The following STARD13 variants were observed in gnomAD, a reference collection of about 807,000 sequenced individuals.
The protein encoded by STARD13 is StAR related lipid transfer domain containing 13.
In STARD13, 62 loss-of-function variants were observed where a neutral mutation model predicts 106.4. That is an observed-to-expected ratio of 0.58 (90% CI 0.48 to 0.72). The LOEUF (loss-of-function observed/expected upper bound fraction) is 0.72. Ranked by LOEUF, STARD13 falls within the 30% of genes least tolerant of loss-of-function variation. The probability of loss-of-function intolerance (pLI) is 0.00; values close to 1 mark genes in which losing one functional copy is unlikely to be tolerated. For synonymous variants in STARD13, 565 were observed against 553.0 expected (o/e 1.02, Z -0.31); for missense variants, 1,387 against 1,424.0 (o/e 0.97, Z 0.42).
chr13:33,220,941 G>A (rs775413723), intron 1 of STARD13, among the ~76,000 whole-genome samples: 9 of 152,084 alleles, frequency 5.9e-5, no homozygotes, highest in Non-Finnish European at 1.0e-4. Context: ...ACTGAATATC[G>A]TTGGAGCAGT....
chr13:33,280,812 G>A (rs1454238185), intron 1 of STARD13: 2 of 152,132 alleles, frequency 1.3e-5, no homozygotes, highest in Admixed American at 1.3e-4. Context: ...TAGAGATGAT[G>A]GGGACTTCAG....
At chr13:33,552,658 A>G in the STARD13 span, among the ~76,000 whole-genome samples, 58 of 152,368 alleles carry the variant, frequency 3.8e-4, no homozygotes, top group Admixed American at 1.2e-3. Context: ...TATAGCAACA[A>G]AACTTTAAGA....
the STARD13 span, among the ~76,000 whole-genome samples, chr13:33,598,693 T>A: frequency 2.0e-4 from 30 of 152,248 alleles, no homozygotes; most frequent in African/African-American, 6.5e-4. Flanking sequence ...GCTAGTTTTT[T>A]AAATTAATCT....
the STARD13 span, among the ~76,000 whole-genome samples, chr13:33,669,657 T>A: frequency 2.7e-5 from 4 of 147,824 alleles, no homozygotes; most frequent in Admixed American, 2.1e-4. Context: ...TGCCTCAGCC[T>A]CCCGAGTAGC....
chr13:33,636,669 C>A, the STARD13 span, among the ~76,000 whole-genome samples: 2 of 152,194 alleles, frequency 1.3e-5, no homozygotes, highest in African/African-American at 4.8e-5. Flanking sequence ...ATTGCACTTG[C>A]TATTTTATCT....
At chr13:33,206,171 G>A (rs1887404668) in intron 1 of STARD13, 4 of 224,970 alleles carry the variant, frequency 1.8e-5, no homozygotes, top group East Asian at 1.8e-4. Flanking sequence ...CAGAGGAAAC[G>A]CTGCCAGTCT....
chr13:33,491,572 C>T, the STARD13 span, among the ~76,000 whole-genome samples: 1 of 152,158 alleles, frequency 6.6e-6, no homozygotes, highest in African/African-American at 2.4e-5. Context: ...AAGAACTTAG[C>T]CTCACTCTGT....
chr13:33,285,760 A>T (rs1892030326), upstream of STARD13: 1 of 1,485,232 alleles, frequency 6.7e-7, no homozygotes, highest in South Asian at 1.4e-5. Flanking sequence ...ATTTTTAAAA[A>T]GAAAGAGGAG....
chr13:33,261,894 G>A (rs1176962346), intron 1 of STARD13, among the ~76,000 whole-genome samples: 5 of 152,250 alleles, frequency 3.3e-5, no homozygotes, highest in South Asian at 2.1e-4. Context: ...GCTTGGGTTC[G>A]GAAGGCAGGG....
rs774501944 is a variant in STARD13 at position 33,165,369 on chromosome 13, A to G, written c.291T>C (p.Phe97=). 8 of 1,614,030 alleles carry G rather than the reference A, an allele frequency of 5.0e-6. No individual in the cohort carries two copies. In the South Asian group the frequency reaches 8.8e-5, roughly 18 times the overall value. The change falls in exon 3 of 14, where the codon TTT becomes TTC. Residue 97 remains phenylalanine (F), a synonymous_variant. Coordinates refer to ENST00000336934, the MANE Select transcript of STARD13 (RefSeq NM_178006.4). ...GAGGTTCTACAAGGTCCTTTTCAAG[A>G]AAATCATGATCATTCTTGACAGCCA... The part of the protein sequence containing the change: ...NIVAVKNDHD[F]LEKDLVEPLC...
the STARD13 span, among the ~76,000 whole-genome samples, chr13:33,466,243 C>A: frequency 6.6e-6 from 1 of 152,110 alleles, no homozygotes; most frequent in South Asian, 2.1e-4. Context: ...TGTTTTAAAT[C>A]AACTTTGCTG....
the STARD13 span, among the ~76,000 whole-genome samples, chr13:33,617,922 T>C: frequency 1.3e-5 from 2 of 152,218 alleles, no homozygotes; most frequent in African/African-American, 4.8e-5. Context: ...AAAATTGGCA[T>C]AGGTGGTCCT....
At chr13:33,326,319 T>C (rs1009957657) in intron 1 of STARD13, among the ~76,000 whole-genome samples, 10 of 152,226 alleles carry the variant, frequency 6.6e-5, no homozygotes, top group African/African-American at 2.4e-4. Context: ...TTTCACTTAG[T>C]TAAACACCAC....
At chr13:33,332,342 C>A (rs1041541148) in intron 1 of STARD13, among the ~76,000 whole-genome samples, 2 of 152,164 alleles carry the variant, frequency 1.3e-5, no homozygotes, top group African/African-American at 4.8e-5. Context: ...ATGTCTGTGT[C>A]CCCCTCAAAT....
At position 33,129,818 on chromosome 13, in the gene STARD13, T is replaced by C. The variant is rs761947266; in HGVS notation, c.859A>G (p.Ser287Gly). The stretch of plus-strand genomic sequence containing the variant: ...GGCTCCTGCTGCAACATGGGCCCAC[T>C]GATCACCAGGCCACCTGTCCGCCCA... ...GSGRTGGLVISGPMLQQEPES... is the reference protein window; with the variant it reads ...GSGRTGGLVIGGPMLQQEPES... The change falls in exon 5 of 14, where the codon AGT (serine) becomes GGT (glycine). Residue 287 changes from serine (S) to glycine (G), a missense_variant. Coordinates refer to ENST00000336934, the MANE Select transcript of STARD13 (RefSeq NM_178006.4). 1.9e-6 allele frequency: 3 copies of C among 1,613,394 alleles called. No homozygotes were observed. The highest frequency in any genetic ancestry group is 3.3e-5 in the Admixed American group (2 of 60,028).
At chr13:33,662,418 A>G in the STARD13 span, among the ~76,000 whole-genome samples, 2 of 152,180 alleles carry the variant, frequency 1.3e-5, no homozygotes, top group Admixed American at 6.5e-5. Flanking sequence ...CTTTGTTTTG[A>G]AAATGTTGTA....
At chr13:33,413,907 C>T in the STARD13 span, among the ~76,000 whole-genome samples, 1 of 151,738 alleles carries the variant, frequency 6.6e-6, no homozygotes, top group Non-Finnish European at 1.5e-5. Flanking sequence ...GTGACACACA[C>T]CCATAATCCC....
At chr13:33,385,864 CA>C in the STARD13 span, among the ~76,000 whole-genome samples, 10,737 of 123,840 alleles carry the variant, frequency 0.087, 734 homozygotes, top group East Asian at 0.22. Flanking sequence ...AAAAAAAAAA[CA>C]AAAAAAAAAA....
At chr13:33,495,414 C>G in the STARD13 span, among the ~76,000 whole-genome samples, 1 of 152,108 alleles carries the variant, frequency 6.6e-6, no homozygotes, top group Admixed American at 6.6e-5. Flanking sequence ...ATACATGGTA[C>G]TATTCGAGAA....
Sources: allele counts gnomAD v4.1 joint callset (sites outside exome capture counted in the v4.1 genomes callset), GRCh38; gene constraint gnomAD v4.1.1; transcripts MANE v1.5; gene names NCBI Gene and HGNC (gene_info 2026-07-23, HGNC 2026-07-21).